The following GFRA2 variants were observed in gnomAD, a reference collection of about 807,000 sequenced individuals.
The protein encoded by GFRA2 is GDNF family receptor alpha-2.
GFRA2 carries 17 observed loss-of-function variants against 48.3 expected under a neutral mutation model. The observed-to-expected ratio is 0.35, with a 90% CI of 0.24 to 0.53. GFRA2 has a LOEUF of 0.53. GFRA2 is among the 20% of genes least tolerant of loss of function. The probability of loss-of-function intolerance (pLI) is 0.93; values close to 1 mark genes in which losing one functional copy is unlikely to be tolerated. For missense variants in GFRA2, 660 were observed against 637.3 expected, an observed-to-expected ratio of 1.04 and a Z score of -0.38; for synonymous variants, 305 against 257.2, an observed-to-expected ratio of 1.19 and a Z score of -1.78.
At chr8:21,727,867 T>C (rs1803957140) in intron 4 of GFRA2, among the ~76,000 whole-genome samples, 1 of 152,142 alleles carries the variant, frequency 6.6e-6, no homozygotes, top group Non-Finnish European at 1.5e-5. Flanking sequence ...CGGGGGTTAT[T>C]TTCGTAGTAA....
intron 2 of GFRA2, among the ~76,000 whole-genome samples, chr8:21,803,911 T>C (rs1444912103): frequency 5.9e-5 from 9 of 152,294 alleles, no homozygotes; most frequent in African/African-American, 1.7e-4. Context: ...GCATGGCCCA[T>C]AGCTAACATT....
chr8:21,789,997 C>T (rs1807516677), upstream of GFRA2: 1 of 863,718 alleles, frequency 1.2e-6, no homozygotes, highest in South Asian at 5.3e-5. Flanking sequence ...CCCTAGGCTC[C>T]GGGGTTGGGG....
chr8:21,765,747 A>C (rs1412899159), intron 3 of GFRA2, among the ~76,000 whole-genome samples: 2 of 151,572 alleles, frequency 1.3e-5, no homozygotes, highest in East Asian at 3.9e-4. Context: ...CAGAACTCTT[A>C]ATTTCTGCCC....
At chr8:21,759,877 A>G (rs184972245) in intron 3 of GFRA2, among the ~76,000 whole-genome samples, 1 of 141,488 alleles carries the variant, frequency 7.1e-6, no homozygotes. Flanking sequence ...CAACAGAGCA[A>G]GATTGCGTCT....
chr8:21,779,365 A>T (rs1223650521), intron 2 of GFRA2, among the ~76,000 whole-genome samples: 3 of 152,150 alleles, frequency 2.0e-5, no homozygotes, highest in Non-Finnish European at 4.4e-5. Context: ...AGTGATACAG[A>T]GGGAGCCAGT....
At chr8:21,703,042 T>A (rs1425689587) in intron 6 of GFRA2, 65 bp from the exon 7 acceptor site, 1 of 1,028,256 alleles carries the variant, frequency 9.7e-7, no homozygotes, top group Non-Finnish European at 1.4e-6. Flanking sequence ...CTGTCCCTGC[T>A]CCTCACACTC....
chr8:21,797,958 C>T (rs1203980124), intron 2 of GFRA2, among the ~76,000 whole-genome samples: 1 of 152,170 alleles, frequency 6.6e-6, no homozygotes, highest in African/African-American at 2.4e-5. Context: ...CTCCTTGCCA[C>T]AACGAGCAGC....
At chr8:21,809,424 A>T (rs1183221812) in intron 1 of GFRA2, among the ~76,000 whole-genome samples, 1 of 152,084 alleles carries the variant, frequency 6.6e-6, no homozygotes, top group African/African-American at 2.4e-5. Context: ...TCCCAGGTTC[A>T]CGCCATTCTC....
At chr8:21,803,924 G>A (rs1025671123) in intron 2 of GFRA2, among the ~76,000 whole-genome samples, 3 of 152,178 alleles carry the variant, frequency 2.0e-5, no homozygotes, top group Non-Finnish European at 4.4e-5. Flanking sequence ...CTAACATTAA[G>A]TGAACACTTA....
chr8:21,715,346 T>C (rs1803278496), intron 4 of GFRA2, among the ~76,000 whole-genome samples: 1 of 152,232 alleles, frequency 6.6e-6, no homozygotes, highest in Admixed American at 6.5e-5. Flanking sequence ...TCTCGCTCTG[T>C]CACCTAGGCT....
upstream of GFRA2, chr8:21,789,951 G>T: frequency 2.1e-6 from 1 of 466,288 alleles, no homozygotes; most frequent in Non-Finnish European, 2.8e-6. Context: ...CAGCCGGCTG[G>T]GCTCCGAGGA....
At chr8:21,731,969 T>G (rs1804218466) in intron 4 of GFRA2, among the ~76,000 whole-genome samples, 1 of 151,842 alleles carries the variant, frequency 6.6e-6, no homozygotes, top group Non-Finnish European at 1.5e-5. Context: ...CAAGAAAAGG[T>G]GAAGGTGTCT....
intron 1 of GFRA2, among the ~76,000 whole-genome samples, chr8:21,806,083 T>C (rs1047928257): frequency 2.0e-4 from 31 of 152,194 alleles, no homozygotes; most frequent in Non-Finnish European, 3.8e-4. Context: ...AGCCCAGCTC[T>C]TCATCTACCC....
At chr8:21,784,563 C>T (rs1289894661) in intron 1 of GFRA2, among the ~76,000 whole-genome samples, 5 of 152,144 alleles carry the variant, frequency 3.3e-5, no homozygotes, top group Admixed American at 6.5e-5. Flanking sequence ...CCTTCGCTCC[C>T]GAGAGCCCCC....
chr8:21,693,019 C>A lies in GFRA2; in HGVS notation c.*259G>T. 3.1e-6 allele frequency: 1 copy of A among 325,630 alleles called. No individual in the cohort carries two copies. Among genetic ancestry groups the A allele is most frequent in the Non-Finnish European group, 5.7e-6 (1 of 176,396 alleles). The allele number at this position is 325,630 out of a possible 1,614,324, so 20.2% of individuals were successfully genotyped here. The stretch of plus-strand genomic sequence containing the variant: ...AGAAAGTGAAGGGCATTTCTAGAGC[C>A]TCGTGCCCTCCCCGGCACCAGAGTT... On this transcript the variant is annotated 3_prime_UTR_variant, in exon 9 of 9. Coordinates refer to ENST00000524240, the MANE Select transcript of GFRA2 (RefSeq NM_001495.5).
At chr8:21,744,936 G>A (rs1804931906) in intron 4 of GFRA2, among the ~76,000 whole-genome samples, 1 of 152,160 alleles carries the variant, frequency 6.6e-6, no homozygotes, top group African/African-American at 2.4e-5. Context: ...ACTCCCAGAG[G>A]CTCCATCCTC....
At position 21,704,975 on chromosome 8, in the gene GFRA2, C is replaced by T. The variant is rs779801234; in HGVS notation, c.1045+10G>A. The T allele has an allele frequency of 4.0e-5, 64 of 1,605,858 alleles. No individual in the cohort carries two copies. The highest frequency in any genetic ancestry group is 5.3e-5 in the Non-Finnish European group (62 of 1,175,840). On this transcript the variant is annotated intron_variant, in intron 6 of 8. Transcript: ENST00000524240. ...GGCTGCTGGGGTTGGGGAGAACATC[C>T]AGAACTTACGGAGGCATGGGTTCTC...
At chr8:21,736,199 G>A (rs951835840) in intron 4 of GFRA2, among the ~76,000 whole-genome samples, 1 of 152,152 alleles carries the variant, frequency 6.6e-6, no homozygotes, top group Non-Finnish European at 1.5e-5. Context: ...GAGAGTGGAT[G>A]GACAAGTGTG....
At chr8:21,715,079 T>C (rs1001761125) in intron 4 of GFRA2, among the ~76,000 whole-genome samples, 2 of 152,204 alleles carry the variant, frequency 1.3e-5, no homozygotes, top group Non-Finnish European at 2.9e-5. Context: ...ACATGGCTGC[T>C]TTCCCACACC....
Sources: allele counts gnomAD v4.1 joint callset (sites outside exome capture counted in the v4.1 genomes callset), GRCh38; gene constraint gnomAD v4.1.1; transcripts MANE v1.5; gene names NCBI Gene and HGNC (gene_info 2026-07-23, HGNC 2026-07-21).